RANBP17: variants seen among roughly 807,000 people sequenced by gnomAD.
The protein encoded by RANBP17 is ran-binding protein 17.
In RANBP17, 158 loss-of-function variants were observed where a neutral mutation model predicts 141.2. That is an observed-to-expected ratio of 1.12 (90% CI 0.98 to 1.28). The LOEUF (loss-of-function observed/expected upper bound fraction) is 1.28. RANBP17 is among the 50% of genes most tolerant of loss of function. The probability of loss-of-function intolerance (pLI) is 0.00; values close to 1 mark genes in which losing one functional copy is unlikely to be tolerated. For synonymous variants in RANBP17, 430 were observed against 450.0 expected (o/e 0.96, Z 0.56); for missense variants, 1,438 against 1,290.7 (o/e 1.11, Z -1.75).
intron 14 of RANBP17, among the ~76,000 whole-genome samples, chr5:171,066,028 T>C (rs1255424336): frequency 6.6e-6 from 1 of 151,842 alleles, no homozygotes; most frequent in Non-Finnish European, 1.5e-5. Flanking sequence ...GCCCAGCTAA[T>C]TTTTTGTATT....
At chr5:171,138,702 T>G (rs914183278) in intron 14 of RANBP17, among the ~76,000 whole-genome samples, 14 of 152,202 alleles carry the variant, frequency 9.2e-5, no homozygotes, top group Non-Finnish European at 1.6e-4. Flanking sequence ...TTATATAGGA[T>G]GTTAACCTTA....
intron 14 of RANBP17, among the ~76,000 whole-genome samples, chr5:171,167,851 C>T (rs1332278743): frequency 6.6e-6 from 1 of 152,156 alleles, no homozygotes; most frequent in East Asian, 1.9e-4. Context: ...TAATCAGTTA[C>T]TAAATATTCA....
At chr5:171,239,293 A>G (rs1241740143) in intron 22 of RANBP17, among the ~76,000 whole-genome samples, 1 of 152,200 alleles carries the variant, frequency 6.6e-6, no homozygotes, top group East Asian at 1.9e-4. Context: ...CTCCACATAC[A>G]TGGAACAGAT....
At chr5:171,007,708 A>G (rs1779748381) in intron 14 of RANBP17, among the ~76,000 whole-genome samples, 1 of 152,162 alleles carries the variant, frequency 6.6e-6, no homozygotes. Context: ...GAGAAATCAA[A>G]AGTGCCGTTT....
intron 18 of RANBP17, among the ~76,000 whole-genome samples, chr5:171,191,362 TA>T (rs1761619775): frequency 6.6e-6 from 1 of 151,616 alleles, no homozygotes; most frequent in African/African-American, 2.4e-5. Flanking sequence ...CCACATTAAA[TA>T]GGTATTATTC....
intron 13 of RANBP17, among the ~76,000 whole-genome samples, chr5:170,964,666 C>A (rs187500521): frequency 1.8e-4 from 27 of 151,858 alleles, no homozygotes; most frequent in African/African-American, 6.0e-4. Context: ...TTTGTCCTTG[C>A]GATAGTTTAC....
At chr5:170,893,304 C>T (rs1769810835) in intron 4 of RANBP17, among the ~76,000 whole-genome samples, 1 of 151,876 alleles carries the variant, frequency 6.6e-6, no homozygotes, top group Non-Finnish European at 1.5e-5. Context: ...TAAACTAAAT[C>T]ATGCCAGTGA....
intron 18 of RANBP17, among the ~76,000 whole-genome samples, chr5:171,186,662 A>G (rs907097692): frequency 8.6e-5 from 12 of 138,988 alleles, no homozygotes; most frequent in East Asian, 6.4e-4. Flanking sequence ...TCAGCCTCCC[A>G]AGTAGCTGGG....
At chr5:170,874,316 G>A (rs942488439) in intron 1 of RANBP17, among the ~76,000 whole-genome samples, 1 of 152,188 alleles carries the variant, frequency 6.6e-6, no homozygotes, top group African/African-American at 2.4e-5. Flanking sequence ...CTGTTTTGGG[G>A]TGGAGAGTTC....
At chr5:171,020,396 G>T (rs1010625417) in intron 14 of RANBP17, among the ~76,000 whole-genome samples, 12 of 152,128 alleles carry the variant, frequency 7.9e-5, no homozygotes, top group African/African-American at 2.7e-4. Context: ...TATTGTGTGG[G>T]AGTCTAAGTC....
At chr5:171,059,356 G>A (rs1783645841) in intron 14 of RANBP17, among the ~76,000 whole-genome samples, 1 of 152,280 alleles carries the variant, frequency 6.6e-6, no homozygotes, top group South Asian at 2.1e-4. Context: ...TATAAGGAAG[G>A]GATCCAGTTT....
At chr5:171,089,948 C>G (rs11748939) in intron 14 of RANBP17, among the ~76,000 whole-genome samples, 1 of 152,178 alleles carries the variant, frequency 6.6e-6, no homozygotes, top group Non-Finnish European at 1.5e-5. Context: ...AGCTGTAGAC[C>G]GGAGCTGTTC....
Position 170,999,441 on chromosome 5 carries a change from A to G in RANBP17, c.1710+31064A>G, listed in dbSNP as rs1779049465. On this transcript the variant is annotated intron_variant, in intron 14 of 27. Coordinates refer to ENST00000523189, the MANE Select transcript of RANBP17 (RefSeq NM_022897.5). The stretch of plus-strand genomic sequence containing the variant: ...TTAACTGAAACATTAGGCTGAGTAT[A>G]TAATTACTGTCTAGAGCCAATATCT... Among the ~76,000 whole-genome samples the G allele has an allele frequency of 3.9e-5, 6 of 152,150 alleles. No homozygotes were observed. In the South Asian group the frequency reaches 1.2e-3, roughly 32 times the overall value.
intron 14 of RANBP17, among the ~76,000 whole-genome samples, chr5:171,037,193 A>T (rs557218451): frequency 6.6e-6 from 1 of 151,738 alleles, no homozygotes; most frequent in African/African-American, 2.4e-5. Flanking sequence ...CATTTCTCTG[A>T]TGGTTAGTGA....
At chr5:170,954,601 C>CAAAATATCA (rs1193580404) in intron 13 of RANBP17, among the ~76,000 whole-genome samples, 2 of 124,962 alleles carry the variant, frequency 1.6e-5, no homozygotes, top group Non-Finnish European at 3.2e-5. Flanking sequence ...GCAATATCAA[C>CAAAATATCA]ATTTTACCTG....
At chr5:171,155,533 T>C (rs1444377962) in intron 14 of RANBP17, among the ~76,000 whole-genome samples, 2 of 152,286 alleles carry the variant, frequency 1.3e-5, no homozygotes, top group East Asian at 1.9e-4. Context: ...TTTATGATGA[T>C]AATAATTCCC....
intron 12 of RANBP17, among the ~76,000 whole-genome samples, chr5:170,951,529 G>C (rs953734775): frequency 4.6e-5 from 7 of 152,124 alleles, no homozygotes; most frequent in Non-Finnish European, 2.9e-5. Context: ...TATATGAATT[G>C]CCCAGAATGG....
chr5:170,969,407 C>T (rs1776824512), intron 14 of RANBP17, among the ~76,000 whole-genome samples: 1 of 151,776 alleles, frequency 6.6e-6, no homozygotes, highest in Non-Finnish European at 1.5e-5. Context: ...AGTAAGACAA[C>T]TTAGAATCAG....
chr5:171,003,715 T>C (rs1350544685), intron 14 of RANBP17, among the ~76,000 whole-genome samples: 2 of 152,022 alleles, frequency 1.3e-5, no homozygotes, highest in Admixed American at 6.6e-5. Flanking sequence ...AAGTAAATCA[T>C]GAGAAAGAGC....
Sources: allele counts gnomAD v4.1 joint callset (sites outside exome capture counted in the v4.1 genomes callset), GRCh38; gene constraint gnomAD v4.1.1; transcripts MANE v1.5; gene names NCBI Gene and HGNC (gene_info 2026-07-23, HGNC 2026-07-21).